Variants in MYO3A observed in about 807,000 individuals in gnomAD.
MYO3A encodes the protein myosin IIIA.
A neutral mutation model predicts 192.7 loss-of-function variants in MYO3A; 180 were observed. The observed-to-expected ratio is 0.93, with a 90% CI of 0.83 to 1.06. The LOEUF is 1.06. MYO3A is among the 50% of genes least tolerant of loss of function. The pLI is 0.00. For missense variants in MYO3A, 1,896 were observed against 1,905.0 expected (o/e 1.00, Z 0.09); for synonymous variants, 628 against 645.3 (o/e 0.97, Z 0.41).
At position 26,176,497 on chromosome 10, in the gene MYO3A, G is replaced by A. The variant is rs7894269; in HGVS notation, c.4294-204G>A. ...GCTTGGCAGTTTTAAAGAAAAATGT[G>A]AGATGGCAAGTATTCAGAGCACAAG... is the stretch of plus-strand genomic sequence containing the variant. On this transcript the variant is annotated intron_variant, in intron 30 of 34. Coordinates refer to ENST00000642920, the MANE Select transcript of MYO3A (RefSeq NM_017433.5). Among the ~76,000 whole-genome samples, 18,770 of 152,142 alleles carry A rather than the reference G, an allele frequency of 0.12. 1,314 individuals carry two copies. The highest frequency in any genetic ancestry group is 0.17 in the African/African-American group (7,136 of 41,484).
intron 6 of MYO3A, among the ~76,000 whole-genome samples, chr10:26,004,637 G>A (rs1841069414): frequency 6.6e-6 from 1 of 152,010 alleles, no homozygotes; most frequent in Non-Finnish European, 1.5e-5. Context: ...TCCATGAGAT[G>A]ACCCTGGAAC....
At chr10:26,037,963 C>T (rs903819273) in intron 10 of MYO3A, among the ~76,000 whole-genome samples, 14 of 152,096 alleles carry the variant, frequency 9.2e-5, no homozygotes, top group African/African-American at 1.7e-4. Context: ...AGATTTGGGT[C>T]GGGGCACAGA....
At position 26,160,225 on chromosome 10, in the gene MYO3A, G is replaced by T. The variant is rs536548988; in HGVS notation, c.2999+2710G>T. Among the ~76,000 whole-genome samples, 114 of 152,276 alleles carry T rather than the reference G, an allele frequency of 7.5e-4. 1 individual carries two copies. Among genetic ancestry groups the T allele is most frequent in the Middle Eastern group, 3.4e-3 (1 of 294 alleles). ...AGACACTGAATTTTAGAAGTGGCTT[G>T]ATCTTCAATATTGGACAGTCCAGTT... On this transcript the variant is annotated intron_variant, in intron 26 of 34. Coordinates refer to ENST00000642920, the MANE Select transcript of MYO3A (RefSeq NM_017433.5).
At chr10:26,128,158 A>G (rs1379487166) in intron 19 of MYO3A, among the ~76,000 whole-genome samples, 1 of 152,172 alleles carries the variant, frequency 6.6e-6, no homozygotes, top group South Asian at 2.1e-4. Flanking sequence ...AAAGTATCGG[A>G]GTGGTTTCTG....
chr10:26,185,755 A>G (rs1842838988), intron 31 of MYO3A, among the ~76,000 whole-genome samples: 1 of 152,082 alleles, frequency 6.6e-6, no homozygotes, highest in African/African-American at 2.4e-5. Flanking sequence ...CAAGGGAACT[A>G]GTATTATAGA....
intron 10 of MYO3A, among the ~76,000 whole-genome samples, chr10:26,033,737 C>A (rs1842906166): frequency 6.6e-6 from 1 of 152,056 alleles, no homozygotes; most frequent in African/African-American, 2.4e-5. Context: ...AGTTTCAATC[C>A]CATTTCCACT....
chr10:26,082,649 A>T (rs781616055), intron 14 of MYO3A, among the ~76,000 whole-genome samples: 12 of 152,240 alleles, frequency 7.9e-5, no homozygotes, highest in Non-Finnish European at 1.0e-4. Flanking sequence ...ATAAAGTTTA[A>T]ATTATAAATT....
At chr10:26,169,258 T>C (rs901936609) in intron 28 of MYO3A, among the ~76,000 whole-genome samples, 6 of 152,188 alleles carry the variant, frequency 3.9e-5, no homozygotes, top group Non-Finnish European at 8.8e-5. Flanking sequence ...TTAAATCTTA[T>C]TTTGTTAAAG....
chr10:25,935,244 C>T (rs1198953121), intron 1 of MYO3A, among the ~76,000 whole-genome samples: 1 of 152,200 alleles, frequency 6.6e-6, no homozygotes, highest in Admixed American at 6.5e-5. Flanking sequence ...GAAAGGATGT[C>T]CTTTCAAGTC....
intron 17 of MYO3A, among the ~76,000 whole-genome samples, chr10:26,119,244 T>C (rs1482641445): frequency 2.6e-5 from 4 of 152,110 alleles, no homozygotes; most frequent in Non-Finnish European, 5.9e-5. Context: ...ACTTTTTGGC[T>C]CTATTTTCTT....
Position 26,033,850 on chromosome 10 carries a change from G to T in MYO3A, c.953+7318G>T, listed in dbSNP as rs143064686. Among the ~76,000 whole-genome samples the T allele has an allele frequency of 1.8e-4, 28 of 152,276 alleles. 1 individual carries two copies. Among genetic ancestry groups the T allele is most frequent in the African/African-American group, 6.7e-4 (28 of 41,546 alleles). On this transcript the variant is annotated intron_variant, in intron 10 of 34. Coordinates refer to ENST00000642920, the MANE Select transcript of MYO3A (RefSeq NM_017433.5). Reference sequence around the variant, plus strand: ...AAGATAGAGTTATCACAAGATGAACGTTATAGCAGGAGAAACAGCCTGAGC... The same window carrying T: ...AAGATAGAGTTATCACAAGATGAACTTTATAGCAGGAGAAACAGCCTGAGC...
intron 4 of MYO3A, among the ~76,000 whole-genome samples, chr10:25,982,659 A>G (rs149428751): frequency 2.4e-4 from 36 of 152,316 alleles, no homozygotes; most frequent in African/African-American, 8.4e-4. Context: ...AGAGCCTGGT[A>G]GCTCTGCTGG....
At chr10:26,098,654 T>C (rs1460019271) in intron 17 of MYO3A, among the ~76,000 whole-genome samples, 1 of 152,228 alleles carries the variant, frequency 6.6e-6, no homozygotes, top group African/African-American at 2.4e-5. Context: ...CCCAGCACCA[T>C]TTATTAAACA....
At chr10:26,188,395 C>T (rs1394191256) in intron 31 of MYO3A, among the ~76,000 whole-genome samples, 1 of 152,080 alleles carries the variant, frequency 6.6e-6, no homozygotes, top group African/African-American at 2.4e-5. Context: ...GATATTAGCC[C>T]TTTGTCAGAT....
At chr10:25,963,754 C>T (rs1385142102) in intron 4 of MYO3A, among the ~76,000 whole-genome samples, 7 of 152,140 alleles carry the variant, frequency 4.6e-5, no homozygotes, top group Non-Finnish European at 7.4e-5. Flanking sequence ...GAACAGACAG[C>T]CAATTACCTA....
intron 32 of MYO3A, among the ~76,000 whole-genome samples, chr10:26,195,643 T>C (rs1039992716): frequency 3.9e-5 from 6 of 152,192 alleles, no homozygotes; most frequent in Non-Finnish European, 8.8e-5. Context: ...GTAACCTGCA[T>C]TCTCCTCTTC....
chr10:26,212,113 T>C lies in MYO3A; in HGVS notation c.*150T>C. The C allele has an allele frequency of 1.7e-6, 2 of 1,204,634 alleles. No homozygotes were observed. Among genetic ancestry groups the C allele is most frequent in the South Asian group, 1.8e-5 (1 of 54,242 alleles). 74.6% of individuals were successfully genotyped at this position (1,204,634 alleles called of 1,614,324 possible). ...CTGCCTGCTGCGCTCGGCCCTCAAG[T>C]GCCCGGGCCGGCCTTCGTGCTCCGA... is the stretch of plus-strand genomic sequence containing the variant. On this transcript the variant is annotated 3_prime_UTR_variant, in exon 35 of 35. Coordinates refer to ENST00000642920, the MANE Select transcript of MYO3A (RefSeq NM_017433.5).
chr10:26,022,675 A>G (rs1335501296), intron 8 of MYO3A: 1 of 152,244 alleles, frequency 6.6e-6, no homozygotes, highest in Non-Finnish European at 1.5e-5. Flanking sequence ...CAGGAAAAAA[A>G]TCTGTAGTTT....
intron 10 of MYO3A, among the ~76,000 whole-genome samples, chr10:26,033,490 G>T (rs999899471): frequency 8.6e-5 from 13 of 151,976 alleles, no homozygotes; most frequent in African/African-American, 3.1e-4. Context: ...TCCAAACCAG[G>T]ACTAAATGTC....
Sources: gnomAD v4.1 joint callset for allele counts (sites outside exome capture counted in the v4.1 genomes callset) on GRCh38, gnomAD v4.1.1 for gene constraint, MANE v1.5 for transcripts, NCBI Gene and HGNC (gene_info 2026-07-23, HGNC 2026-07-21) for gene names.